The following PALLD variants were observed in gnomAD, a reference collection of about 807,000 sequenced individuals.
PALLD encodes the protein palladin.
In PALLD, 61 loss-of-function variants were observed where a neutral mutation model predicts 123.5. The ratio of observed to expected loss-of-function variants is 0.49; its 90% CI spans 0.40 to 0.61. The LOEUF (loss-of-function observed/expected upper bound fraction) is 0.61. Among genes scored for constraint, PALLD ranks in the 20% least tolerant of loss-of-function variants. The probability of loss-of-function intolerance (pLI) is 0.00; values close to 1 mark genes in which losing one functional copy is unlikely to be tolerated. For synonymous variants in PALLD, 465 were observed against 496.4 expected, an observed-to-expected ratio of 0.94 and a Z score of 0.84; for missense variants, 1,273 against 1,377.0, an observed-to-expected ratio of 0.92 and a Z score of 1.20.
chr4:168,920,916 G>A (rs1007669805), intron 17 of PALLD, among the ~76,000 whole-genome samples: 6 of 152,120 alleles, frequency 3.9e-5, no homozygotes, highest in African/African-American at 1.4e-4. Flanking sequence ...GAAGCCCAGA[G>A]CCTGGTGCTG....
chr4:168,691,003 G>A (rs1480349598), intron 7 of PALLD, among the ~76,000 whole-genome samples: 1 of 152,114 alleles, frequency 6.6e-6, no homozygotes, highest in Admixed American at 6.5e-5. Context: ...ATTTTAGGAG[G>A]TTTACCAGGC....
intron 10 of PALLD, among the ~76,000 whole-genome samples, chr4:168,758,235 G>A (rs1732171435): frequency 1.3e-5 from 2 of 151,868 alleles, no homozygotes; most frequent in Non-Finnish European, 2.9e-5. Context: ...ATCTTTTCAA[G>A]CTCAAGAGCT....
chr4:168,752,144 G>A (rs1254887616), intron 10 of PALLD, among the ~76,000 whole-genome samples: 2 of 152,230 alleles, frequency 1.3e-5, no homozygotes, highest in East Asian at 1.9e-4. Flanking sequence ...AGGCCGAGGC[G>A]GGTGGATTGC....
intron 10 of PALLD, among the ~76,000 whole-genome samples, chr4:168,805,387 G>A (rs552761762): frequency 1.3e-5 from 2 of 151,998 alleles, no homozygotes; most frequent in South Asian, 4.2e-4. Context: ...CCTAATACTG[G>A]TTAGAAGGAC....
intron 10 of PALLD, among the ~76,000 whole-genome samples, chr4:168,740,982 T>C (rs1189303581): frequency 1.3e-5 from 2 of 152,250 alleles, no homozygotes; most frequent in African/African-American, 4.8e-5. Flanking sequence ...GCAGAAATCT[T>C]ATTTGTTCAA....
chr4:168,535,250 T>A (rs1305038092), intron 2 of PALLD, among the ~76,000 whole-genome samples: 2 of 152,224 alleles, frequency 1.3e-5, no homozygotes, highest in Non-Finnish European at 2.9e-5. Context: ...ATGTAGGTTT[T>A]TATATTTTTT....
In PALLD at chr4:168,881,911, T is replaced by A. The variant is rs147687903; in HGVS notation, c.1965-9011T>A. On this transcript the variant is annotated intron_variant, in intron 10 of 21. Coordinates refer to ENST00000505667, the MANE Select transcript of PALLD (RefSeq NM_001166108.2). ...CAGTTCTGCTCTGCTGGTCTCTGAG[T>A]GGCCATACTAAGTCTGAAGGGTGAA... Among the ~76,000 whole-genome samples the A allele has an allele frequency of 1.2e-3, 185 of 152,206 alleles. 3 individuals carry two copies. In the East Asian group the frequency reaches 0.03, roughly 25 times the overall value.
Position 168,862,400 on chromosome 4 carries a change from A to G in PALLD, c.1965-28522A>G, listed in dbSNP as rs561027576. 1.8e-4 allele frequency among the ~76,000 whole-genome samples: 28 copies of G among 151,462 alleles called. No individual in the cohort carries two copies. The South Asian group carries it at 5.2e-3, about 28-fold the overall frequency. ...GGGCTCAAGTGATCCTCCCACCTCA[A>G]CCTCCCAAAGTGCTGAGATTACAGG... On this transcript the variant is annotated intron_variant, in intron 10 of 21. Transcript: ENST00000505667.
At chr4:168,583,390 A>G (rs144565792) in intron 2 of PALLD, among the ~76,000 whole-genome samples, 1 of 152,312 alleles carries the variant, frequency 6.6e-6, no homozygotes, top group Non-Finnish European at 1.5e-5. Flanking sequence ...GTGCATACGA[A>G]TCACCTGAGG....
chr4:168,761,655 T>TTTTG (rs1561493872), intron 10 of PALLD, among the ~76,000 whole-genome samples: 3 of 39,618 alleles, frequency 7.6e-5, no homozygotes, highest in African/African-American at 3.0e-4. Context: ...GTTTTTTTTT[T>TTTTG]TTTTTTTTTT....
At chr4:168,718,642 G>T (rs974498137) in intron 10 of PALLD, among the ~76,000 whole-genome samples, 8 of 152,146 alleles carry the variant, frequency 5.3e-5, no homozygotes, top group African/African-American at 1.9e-4. Context: ...TCAGTAACCA[G>T]TTGTCACTGT....
At chr4:168,713,227 C>G (rs1785007837) in intron 10 of PALLD, among the ~76,000 whole-genome samples, 1 of 152,158 alleles carries the variant, frequency 6.6e-6, no homozygotes, top group Admixed American at 6.5e-5. Flanking sequence ...ACATTTAATA[C>G]CTATGCGCCA....
intron 10 of PALLD, among the ~76,000 whole-genome samples, chr4:168,802,953 A>T (rs187282984): frequency 1.8e-4 from 27 of 151,272 alleles, no homozygotes; most frequent in Admixed American, 1.8e-3. Flanking sequence ...TGGCCTCCCA[A>T]AGTGCTGGGA....
At chr4:168,847,754 C>T (rs1338656050) in intron 10 of PALLD, among the ~76,000 whole-genome samples, 1 of 152,042 alleles carries the variant, frequency 6.6e-6, no homozygotes, top group Non-Finnish European at 1.5e-5. Flanking sequence ...GTAATAATCA[C>T]ATCAGGGTAA....
rs151162785 is a variant in PALLD, at chr4:168,783,308, G to A, written c.1964+71385G>A. The stretch of plus-strand genomic sequence containing the variant: ...AGCCTCTGATCTCCAGGAGCTCATA[G>A]TATAAGAGAGCTAAGCAATAATATT... On this transcript the variant is annotated intron_variant, in intron 10 of 21. Coordinates refer to ENST00000505667, the MANE Select transcript of PALLD (RefSeq NM_001166108.2). Among the ~76,000 whole-genome samples the A allele has an allele frequency of 2.6e-3, 394 of 152,256 alleles. 1 individual carries two copies. The highest frequency in any genetic ancestry group is 7.5e-3 in the African/African-American group (313 of 41,546).
At chr4:168,573,055 CA>C (rs201301508) in intron 2 of PALLD, among the ~76,000 whole-genome samples, 1 of 81,418 alleles carries the variant, frequency 1.2e-5, no homozygotes, top group Non-Finnish European at 2.6e-5. Flanking sequence ...CCTCATCTAC[CA>C]CTCTTCTCCC....
intron 2 of PALLD, among the ~76,000 whole-genome samples, chr4:168,537,445 C>G (rs1216634855): frequency 6.6e-6 from 1 of 152,190 alleles, no homozygotes; most frequent in Admixed American, 6.5e-5. Context: ...TTGTTTTCTG[C>G]TCATCTGGTA....
intron 3 of PALLD, among the ~76,000 whole-genome samples, chr4:168,670,833 C>A (rs72984621): frequency 0.34 from 45,243 of 133,802 alleles, 9,299 homozygotes; most frequent in African/African-American, 0.45. Context: ...CACCTGTAAT[C>A]CCAGCACTTT....
chr4:168,718,333 C>CA (rs1785569393), intron 10 of PALLD, among the ~76,000 whole-genome samples: 1 of 152,030 alleles, frequency 6.6e-6, no homozygotes, highest in South Asian at 2.1e-4. Flanking sequence ...ACAAGGTAAG[C>CA]AAAAACAAGT....
Sources: allele counts gnomAD v4.1 joint callset (sites outside exome capture counted in the v4.1 genomes callset), GRCh38; gene constraint gnomAD v4.1.1; transcripts MANE v1.5; gene names NCBI Gene and HGNC (gene_info 2026-07-23, HGNC 2026-07-21).